ATAD1: variants seen among roughly 807,000 people sequenced by gnomAD.
ATAD1 encodes ATPase family AAA domain containing 1.
ATAD1 carries 18 observed loss-of-function variants against 42.7 expected under a neutral mutation model. The ratio of observed to expected loss-of-function variants is 0.42; its 90% CI spans 0.29 to 0.63. The LOEUF is 0.63. Among genes scored for constraint, ATAD1 ranks in the 20% least tolerant of loss-of-function variants. ATAD1 has a pLI of 0.19. For missense variants in ATAD1, 294 were observed against 440.4 expected (o/e 0.67, Z 2.98); for synonymous variants, 132 against 143.1 (o/e 0.92, Z 0.55).
At chr10:87,814,044 A>C (rs1164607757) in intron 2 of ATAD1, among the ~76,000 whole-genome samples, 1 of 152,112 alleles carries the variant, frequency 6.6e-6, no homozygotes, top group Non-Finnish European at 1.5e-5. Flanking sequence ...TATAAGTTTA[A>C]GACTGAGAGC....
chr10:87,834,848 G>C (rs576011931), intron 1 of ATAD1, among the ~76,000 whole-genome samples: 1 of 151,802 alleles, frequency 6.6e-6, no homozygotes, highest in Admixed American at 6.6e-5. Context: ...GCTTCTTAAA[G>C]ATCAGTGACG....
At chr10:87,757,290 A>C (rs72812002) in intron 8 of ATAD1, among the ~76,000 whole-genome samples, 6 of 151,246 alleles carry the variant, frequency 4.0e-5, no homozygotes, top group Admixed American at 6.6e-5. Context: ...AAAAAAAACA[A>C]AACACTCAAC....
At chr10:87,832,487 C>T (rs1857851036) in intron 1 of ATAD1, among the ~76,000 whole-genome samples, 1 of 151,654 alleles carries the variant, frequency 6.6e-6, no homozygotes, top group Admixed American at 6.6e-5. Context: ...AGTGTCTACC[C>T]TTTCACCAAT....
chr10:87,796,862 T>G (rs962935905), intron 2 of ATAD1, among the ~76,000 whole-genome samples: 1 of 152,336 alleles, frequency 6.6e-6, no homozygotes, highest in Non-Finnish European at 1.5e-5. Flanking sequence ...CTCCCAAAAT[T>G]TGGTGGAGAC....
intron 1 of ATAD1, among the ~76,000 whole-genome samples, chr10:87,835,820 A>T (rs1857919409): frequency 6.6e-6 from 1 of 151,874 alleles, no homozygotes; most frequent in South Asian, 2.1e-4. Context: ...TGTCCTTGTT[A>T]AAAAAGTTTT....
chr10:87,839,037 C>G (rs1051439684), intron 1 of ATAD1, among the ~76,000 whole-genome samples: 1 of 152,154 alleles, frequency 6.6e-6, no homozygotes, highest in African/African-American at 2.4e-5. Context: ...TATAATTCTA[C>G]CTGTACATGT....
chr10:87,757,576 C>A (rs1854282402), intron 8 of ATAD1, among the ~76,000 whole-genome samples: 1 of 152,142 alleles, frequency 6.6e-6, no homozygotes, highest in African/African-American at 2.4e-5. Flanking sequence ...TTAATCTTCT[C>A]AGAAACTATC....
upstream of ATAD1, chr10:87,818,324 A>G (rs529539919): frequency 2.4e-4 from 225 of 931,768 alleles, no homozygotes; most frequent in Non-Finnish European, 2.8e-4. Flanking sequence ...GCGTGCTCCC[A>G]GGCTTAGAAA....
At chr10:87,755,526 A>C (rs902703645) in intron 9 of ATAD1, among the ~76,000 whole-genome samples, 1 of 152,072 alleles carries the variant, frequency 6.6e-6, no homozygotes, top group Admixed American at 6.6e-5. Context: ...TTGAGGCAGC[A>C]AAAAAATAGA....
intron 1 of ATAD1, among the ~76,000 whole-genome samples, chr10:87,836,150 G>T (rs1857925664): frequency 6.6e-6 from 1 of 151,794 alleles, no homozygotes; most frequent in Non-Finnish European, 1.5e-5. Flanking sequence ...CTTGGAGTCG[G>T]GGTCTTGCTC....
At chr10:87,818,018 G>A in intron 1 of ATAD1, 149 bp downstream of exon 1, 3 of 985,750 alleles carry the variant, frequency 3.0e-6, no homozygotes, top group South Asian at 9.4e-5. Flanking sequence ...AAGGGCTGCG[G>A]GGCGCTTGGG....
At chr10:87,797,084 G>A (rs1856428940) in intron 2 of ATAD1, among the ~76,000 whole-genome samples, 1 of 152,210 alleles carries the variant, frequency 6.6e-6, no homozygotes, top group African/African-American at 2.4e-5. Context: ...CCCTGGGTAA[G>A]TAGCTGAATT....
intron 5 of ATAD1, among the ~76,000 whole-genome samples, chr10:87,777,346 A>G (rs780568823): frequency 2.0e-5 from 3 of 152,232 alleles, no homozygotes; most frequent in Non-Finnish European, 4.4e-5. Context: ...AAAATGATTT[A>G]AAACATATAT....
At chr10:87,764,955 A>T (rs1422723762) in intron 8 of ATAD1, among the ~76,000 whole-genome samples, 2 of 152,254 alleles carry the variant, frequency 1.3e-5, no homozygotes, top group African/African-American at 4.8e-5. Flanking sequence ...GGTTTAAAAA[A>T]AGGCATTTAG....
intron 4 of ATAD1, among the ~76,000 whole-genome samples, chr10:87,788,276 G>A (rs909048027): frequency 1.3e-5 from 2 of 152,118 alleles, no homozygotes; most frequent in Admixed American, 6.5e-5. Flanking sequence ...ACTGTCTAAG[G>A]ATAACATAAA....
Position 87,776,430 on chromosome 10 carries a change from A to G in ATAD1, c.584-3T>C. 1 of 1,603,024 alleles carries G rather than the reference A, an allele frequency of 6.2e-7. No homozygotes were observed. Among genetic ancestry groups the G allele is most frequent in the Non-Finnish European group, 8.5e-7 (1 of 1,170,288 alleles). On this transcript the variant is annotated splice_polypyrimidine_tract_variant and splice_region_variant and intron_variant, in intron 5 of 9. Coordinates refer to ENST00000680024, the MANE Select transcript of ATAD1 (RefSeq NM_001321967.2). Reference sequence around the variant, plus strand: ...TGAACGGTTTCGTAGAAAGGAGTCTAGAAGTAAAAGGTCCTTAACCTTAGA... The same window carrying G: ...TGAACGGTTTCGTAGAAAGGAGTCTGGAAGTAAAAGGTCCTTAACCTTAGA...
chr10:87,827,157 A>G (rs1156284646), intron 1 of ATAD1, among the ~76,000 whole-genome samples: 2 of 152,258 alleles, frequency 1.3e-5, no homozygotes, highest in Non-Finnish European at 2.9e-5. Flanking sequence ...TTAATATACC[A>G]TTATTTACTG....
chr10:87,814,641 G>A, intron 1 of ATAD1, 29 bp from the exon 2 acceptor site: 1 of 1,530,798 alleles, frequency 6.5e-7, no homozygotes, highest in Non-Finnish European at 8.8e-7. Flanking sequence ...AATGTCACTA[G>A]GTAATAACTA....
chr10:87,784,224 T>G (rs748753295), intron 5 of ATAD1, among the ~76,000 whole-genome samples: 48 of 152,120 alleles, frequency 3.2e-4, no homozygotes, highest in Non-Finnish European at 6.0e-4. Flanking sequence ...TGAGAAAACA[T>G]GTACATGGAT....
Sources: allele counts gnomAD v4.1 joint callset (sites outside exome capture counted in the v4.1 genomes callset), GRCh38; gene constraint gnomAD v4.1.1; transcripts MANE v1.5; gene names NCBI Gene and HGNC (gene_info 2026-07-23, HGNC 2026-07-21).